Variants in TXLNB observed in about 807,000 individuals in gnomAD.
The protein encoded by TXLNB is beta-taxilin.
In TXLNB, 37 loss-of-function variants were observed where a neutral mutation model predicts 57.4. The ratio of observed to expected loss-of-function variants is 0.64; its 90% confidence interval spans 0.50 to 0.85. The LOEUF is 0.85. TXLNB is among the 40% of genes least tolerant of loss of function. The pLI is 0.00. For missense variants in TXLNB, 848 were observed against 825.6 expected (o/e 1.03, Z -0.33); for synonymous variants, 302 against 309.6 (o/e 0.98, Z 0.26).
chr6:139,218,809 A>G, the TXLNB span, among the ~76,000 whole-genome samples: 1 of 152,138 alleles, frequency 6.6e-6, no homozygotes, highest in Admixed American at 6.5e-5. Flanking sequence ...AACCCAAAAA[A>G]CCATTGAAGA....
intron 1 of TXLNB, among the ~76,000 whole-genome samples, chr6:139,290,995 T>A (rs1169190915): frequency 6.6e-6 from 1 of 152,226 alleles, no homozygotes; most frequent in Non-Finnish European, 1.5e-5. Context: ...AGGAAGTACT[T>A]TTTTTCTTTC....
chr6:139,291,076 T>A (rs1777289132), intron 1 of TXLNB, among the ~76,000 whole-genome samples: 1 of 152,236 alleles, frequency 6.6e-6, no homozygotes, highest in Non-Finnish European at 1.5e-5. Flanking sequence ...CTGGGATTTC[T>A]TTTCCTGACC....
rs1562291737 is a variant in TXLNB, at chr6:139,290,008, G to A, written c.-14-1095C>T. Reference sequence around the variant, plus strand: ...ATTTTCTTTTTCAGATAAGCAACACGAATGCTTTTTTTGAGGCTTAAACTG... The same window carrying A: ...ATTTTCTTTTTCAGATAAGCAACACAAATGCTTTTTTTGAGGCTTAAACTG... On this transcript the variant is annotated intron_variant, in intron 1 of 9. Coordinates refer to ENST00000358430, the MANE Select transcript of TXLNB (RefSeq NM_153235.4). Among the ~76,000 whole-genome samples the A allele has an allele frequency of 2.0e-5, 3 of 152,234 alleles. No homozygotes were observed. The South Asian group carries it at 6.2e-4, about 32-fold the overall frequency.
chr6:139,290,200 TG>T (rs1777273615), intron 1 of TXLNB, among the ~76,000 whole-genome samples: 1 of 152,044 alleles, frequency 6.6e-6, no homozygotes, highest in African/African-American at 2.4e-5. Context: ...GCCAACATGG[TG>T]AAACCCTGTC....
chr6:139,282,447 C>T (rs957652059), intron 2 of TXLNB, among the ~76,000 whole-genome samples: 3 of 144,888 alleles, frequency 2.1e-5, no homozygotes. Flanking sequence ...CATGGTGGCA[C>T]GTGGCTGTAA....
chr6:139,305,883 G>A, the TXLNB span, among the ~76,000 whole-genome samples: 1 of 152,114 alleles, frequency 6.6e-6, no homozygotes, highest in Non-Finnish European at 1.5e-5. Context: ...CTTCCTTAAT[G>A]AGTTTGCATT....
chr6:139,242,548 G>T lies in TXLNB; in HGVS notation c.2033C>A (p.Thr678Asn). Reference protein sequence around the residue: ...AGPQPRNVADTNLEGVD With the variant: ...AGPQPRNVADNNLEGVD ...GGCTTAGTCGACGCCTTCCAGATTGGTGTCAGCCACGTTGCGCGGCTGGGG... is the reference window on the plus strand; with the variant it reads ...GGCTTAGTCGACGCCTTCCAGATTGTTGTCAGCCACGTTGCGCGGCTGGGG... The change falls in exon 10 of 10, where the codon ACC becomes AAC. Residue 678 changes from threonine to asparagine, a missense_variant. Coordinates refer to ENST00000358430, the MANE Select transcript of TXLNB (RefSeq NM_153235.4). 1 of 1,508,090 alleles carries T rather than the reference G, an allele frequency of 6.6e-7. No homozygotes were observed. Among genetic ancestry groups the T allele is most frequent in the Non-Finnish European group, 8.8e-7 (1 of 1,130,586 alleles). The allele number at this position is 1,508,090 out of a possible 1,614,324, so 93.4% of individuals were successfully genotyped here.
At chr6:139,255,942 G>A (rs1776326618) in intron 6 of TXLNB, among the ~76,000 whole-genome samples, 1 of 151,730 alleles carries the variant, frequency 6.6e-6, no homozygotes, top group Non-Finnish European at 1.5e-5. Flanking sequence ...ATTAGTCAGG[G>A]GTGGTGGTGC....
the TXLNB span, among the ~76,000 whole-genome samples, chr6:139,231,286 T>C: frequency 6.6e-6 from 1 of 152,138 alleles, no homozygotes; most frequent in Non-Finnish European, 1.5e-5. Flanking sequence ...TTGGGGTGAA[T>C]GAGACAGCCC....
Position 139,270,640 on chromosome 6 carries a change from G to C in TXLNB, c.517-14C>G. 6.2e-7 allele frequency: 1 copy of C among 1,611,598 alleles called. No homozygotes were observed. Among genetic ancestry groups the C allele is most frequent in the Non-Finnish European group, 8.5e-7 (1 of 1,178,872 alleles). On this transcript the variant is annotated splice_polypyrimidine_tract_variant and intron_variant, in intron 3 of 9. Coordinates refer to ENST00000358430, the MANE Select transcript of TXLNB (RefSeq NM_153235.4). ...ATGTTCATCCAGCTGTACACATGGA[G>C]ATACAAACATGAAAGAAAATGGCAG... is the stretch of plus-strand genomic sequence containing the variant.
At chr6:139,187,697 TC>T in the TXLNB span, among the ~76,000 whole-genome samples, 1 of 152,180 alleles carries the variant, frequency 6.6e-6, no homozygotes, top group Non-Finnish European at 1.5e-5. Context: ...GCGAGGAGGC[TC>T]CCAGCTGCCA....
intron 6 of TXLNB, among the ~76,000 whole-genome samples, chr6:139,256,870 A>C (rs776876830): frequency 6.6e-6 from 1 of 152,224 alleles, no homozygotes; most frequent in Non-Finnish European, 1.5e-5. Context: ...AAAATACCCA[A>C]AATGGTCTGG....
chr6:139,198,902 A>G, the TXLNB span, among the ~76,000 whole-genome samples: 4 of 151,788 alleles, frequency 2.6e-5, no homozygotes, highest in Admixed American at 6.6e-5. Flanking sequence ...CCATACCTCT[A>G]TAAATACTGG....
At chr6:139,191,434 TAAAA>T in the TXLNB span, among the ~76,000 whole-genome samples, 1 of 152,114 alleles carries the variant, frequency 6.6e-6, no homozygotes, top group South Asian at 2.1e-4. Context: ...AAAATAAAAA[TAAAA>T]AAATCCAGTT....
At chr6:139,174,760 G>A in the TXLNB span, 1 of 532,018 alleles carries the variant, frequency 1.9e-6, no homozygotes, top group Non-Finnish European at 2.9e-6. Flanking sequence ...CAGTATATTA[G>A]GTCAAAAGAA....
At chr6:139,236,458 TAGTG>T (rs553940633), downstream of TXLNB, among the ~76,000 whole-genome samples, 227 of 152,314 alleles carry the variant, frequency 1.5e-3, 6 homozygotes, top group South Asian at 0.034. Context: ...CCCATTTCAA[TAGTG>T]AGTGAGTTCT....
At chr6:139,276,191 A>G (rs938217135) in intron 3 of TXLNB, among the ~76,000 whole-genome samples, 3 of 152,226 alleles carry the variant, frequency 2.0e-5, no homozygotes, top group African/African-American at 7.2e-5. Flanking sequence ...TGATGCACAT[A>G]TATAAATGCC....
At chr6:139,316,133 C>T in the TXLNB span, among the ~76,000 whole-genome samples, 1 of 152,188 alleles carries the variant, frequency 6.6e-6, no homozygotes, top group South Asian at 2.1e-4. Context: ...ATCTGTGAGG[C>T]AGTAGGTTAT....
the TXLNB span, among the ~76,000 whole-genome samples, chr6:139,207,719 T>C: frequency 1.3e-5 from 2 of 151,938 alleles, no homozygotes; most frequent in Non-Finnish European, 2.9e-5. Context: ...AGCAACAAAA[T>C]TGATGGCCCG....
Sources: gnomAD v4.1 joint callset for allele counts (sites outside exome capture counted in the v4.1 genomes callset) on GRCh38, gnomAD v4.1.1 for gene constraint, MANE v1.5 for transcripts, NCBI Gene and HGNC (gene_info 2026-07-23, HGNC 2026-07-21) for gene names.